CRELD2: variants seen among roughly 807,000 people sequenced by gnomAD.
CRELD2 encodes the protein CRELD disulfide isomerase 2.
In CRELD2, 33 loss-of-function variants were observed where a neutral mutation model predicts 48.1. The ratio of observed to expected loss-of-function variants is 0.69; its 90% CI spans 0.52 to 0.92. The LOEUF is 0.92. Ranked by LOEUF, CRELD2 falls within the 40% of genes least tolerant of loss-of-function variation. CRELD2 has a pLI of 0.00. For synonymous variants in CRELD2, 220 were observed against 203.9 expected (o/e 1.08, Z -0.67); for missense variants, 477 against 482.4 (o/e 0.99, Z 0.10).
At chr22:49,923,610 CA>C (rs1476014763) in intron 7 of CRELD2, 1 of 524,846 alleles carries the variant, frequency 1.9e-6, no homozygotes, top group African/African-American at 1.9e-5. Flanking sequence ...TGACTTTCCG[CA>C]GCGCCTGTCG....
chr22:49,923,520 C>G (rs1184448391), intron 7 of CRELD2: 1 of 683,296 alleles, frequency 1.5e-6, no homozygotes, highest in Non-Finnish European at 2.7e-6. Context: ...AGTTAAAAAC[C>G]CAGGAACTCC....
rs1301602151 is a variant in CRELD2 at position 49,925,643 on chromosome 22, C to G, written c.1009+86C>G. The G allele has an allele frequency of 1.9e-6, 3 of 1,588,006 alleles. No individual in the cohort carries two copies. The African/African-American group carries it at 4.0e-5, about 21-fold the overall frequency. On this transcript the variant is annotated intron_variant, in intron 9 of 9. Transcript: ENST00000328268. ...TAGACTGGCTGCTTGGTCTGAAATC[C>G]ACACAGATGGTGGCCTTGAGATGGT... is the stretch of plus-strand genomic sequence containing the variant.
intron 8 of CRELD2, 181 bp from the exon 9 acceptor site, chr22:49,925,236 A>C (rs949747973): frequency 1.9e-6 from 1 of 523,440 alleles, no homozygotes; most frequent in African/African-American, 2.0e-5. Context: ...TTGAGGGCCC[A>C]ACTTGGAGAC....
chr22:49,920,964 C>T (rs138401433), intron 4 of CRELD2, among the ~76,000 whole-genome samples: 1 of 152,340 alleles, frequency 6.6e-6, no homozygotes, highest in East Asian at 1.9e-4. Context: ...TGAGGCTGCC[C>T]AAAGCCACAC....
At chr22:49,919,531 G>A (rs9616386) in intron 2 of CRELD2, among the ~76,000 whole-genome samples, 199 bp from the exon 3 acceptor site, 34,992 of 152,152 alleles carry the variant, frequency 0.23, 4,462 homozygotes, top group African/African-American at 0.34. Flanking sequence ...ACAGACAGTG[G>A]CTTTTCAAAA....
In CRELD2 at chr22:49,918,833, C is replaced by T; in HGVS notation, c.64C>T (p.Pro22Ser). 1 of 1,324,336 alleles carries T rather than the reference C, an allele frequency of 7.6e-7. No homozygotes were observed. The highest frequency in any genetic ancestry group is 3.1e-5 in the East Asian group (1 of 32,354). The allele number at this position is 1,324,336 out of a possible 1,614,324, so 82.0% of individuals were successfully genotyped here. ...LPLLLLLPPAPEAAKKPTPCH... is the reference protein window; with the variant it reads ...LPLLLLLPPASEAAKKPTPCH... Reference sequence around the variant, plus strand: ...GCTTCTGCTGCTGCTGCCGCCCGCGCCGGAGGCCGCCAAGAAGCCGACGCC... The same window carrying T: ...GCTTCTGCTGCTGCTGCCGCCCGCGTCGGAGGCCGCCAAGAAGCCGACGCC... The change falls in exon 1 of 10, where the codon CCG becomes TCG. Residue 22 changes from proline (P) to serine (S), a missense_variant. Pro to Ser is a moderately conservative substitution (Grantham distance 74). Coordinates refer to ENST00000328268, the MANE Select transcript of CRELD2 (RefSeq NM_024324.5).
rs746989379 is a variant in CRELD2 at position 49,919,766 on chromosome 22, C to T, written c.249C>T (p.Cys83=). ...IRLLEILEGL[C]ESSDFECNQM... The stretch of plus-strand genomic sequence containing the variant: ...TGCTGGAGATCCTGGAGGGGCTGTG[C>T]GAGAGCAGCGACTTCGAATGCAATC... Residue 83 remains cysteine (C), a synonymous_variant, in exon 3 of 10, where the codon TGC becomes TGT. Coordinates refer to ENST00000328268, the MANE Select transcript of CRELD2 (RefSeq NM_024324.5). 7.4e-6 allele frequency: 12 copies of T among 1,612,078 alleles called. No individual in the cohort carries two copies. The highest frequency in any genetic ancestry group is 3.3e-5 in the South Asian group (3 of 90,526).
chr22:49,919,876 A>G (rs769308337), intron 3 of CRELD2, 36 bp downstream of exon 3: 2 of 1,427,010 alleles, frequency 1.4e-6, no homozygotes, highest in African/African-American at 2.8e-5. Flanking sequence ...GATACTTTTT[A>G]TTTTCCAACT....
At chr22:49,921,257 A>T in intron 4 of CRELD2, 1 of 311,460 alleles carries the variant, frequency 3.2e-6, no homozygotes. Flanking sequence ...GCACATTGTG[A>T]TGTCACTAGG....
intron 7 of CRELD2, chr22:49,923,519 C>T (rs1365115085): frequency 7.3e-6 from 5 of 683,236 alleles, no homozygotes; most frequent in African/African-American, 1.8e-5. Context: ...CAGTTAAAAA[C>T]CCAGGAACTC....
chr22:49,924,162 T>G, intron 7 of CRELD2, 198 bp from the exon 8 acceptor site: 1 of 505,964 alleles, frequency 2.0e-6, no homozygotes. Context: ...ACCATGGCTC[T>G]CCGGGAGCAC....
intron 3 of CRELD2, 30 bp downstream of exon 3, chr22:49,919,870 C>A: frequency 2.1e-6 from 3 of 1,456,876 alleles, no homozygotes; most frequent in Non-Finnish European, 2.8e-6. Context: ...TTAGAAGATA[C>A]TTTTTATTTT....
Position 49,920,149 on chromosome 22 carries a change from T to C in CRELD2, c.324-7T>C, listed in dbSNP as rs1485849652. The stretch of plus-strand genomic sequence containing the variant: ...GGGATTCAGTGAATGTTTTCCTCCA[T>C]CCTCAGGAAGAGCGAATATCCTGAC... On this transcript the variant is annotated splice_region_variant and splice_polypyrimidine_tract_variant and intron_variant, in intron 3 of 9. Coordinates refer to ENST00000328268, the MANE Select transcript of CRELD2 (RefSeq NM_024324.5). 4 of 1,594,724 alleles carry C rather than the reference T, an allele frequency of 2.5e-6. No homozygotes were observed. The highest frequency in any genetic ancestry group is 2.2e-5 in the South Asian group (2 of 90,616).
At chr22:49,919,189 G>A (rs754175910) in intron 1 of CRELD2, 41 bp from the exon 2 acceptor site, 1 of 1,597,998 alleles carries the variant, frequency 6.3e-7, no homozygotes, top group South Asian at 1.1e-5. Context: ...CTGGACCCGG[G>A]TCAGGTGGTA....
chr22:49,919,633 C>A, intron 2 of CRELD2, 97 bp from the exon 3 acceptor site: 2 of 883,818 alleles, frequency 2.3e-6, no homozygotes, highest in Non-Finnish European at 3.5e-6. Flanking sequence ...GGAGTCCTGG[C>A]TCCCCGGCCC....
At position 49,925,901 on chromosome 22, in the gene CRELD2, G is replaced by T. The variant is rs1356442386; in HGVS notation, c.1009+344G>T. 7.9e-6 allele frequency: 3 copies of T among 381,286 alleles called. No homozygotes were observed. The East Asian group carries it at 2.7e-4, about 34-fold the overall frequency. 23.6% of individuals were successfully genotyped at this position (381,286 alleles called of 1,614,324 possible). A position where few individuals can be genotyped will look rare whatever the true frequency, so the allele number is the denominator to read the frequency against. On this transcript the variant is annotated intron_variant, in intron 9 of 9. Coordinates refer to ENST00000328268, the MANE Select transcript of CRELD2 (RefSeq NM_024324.5). ...AAGTCATCCGGGGAAGCTGCCCAGG[G>T]TGCCGCAGAGACAGGGACAGGCAGG...
chr22:49,922,948 C>G (rs1324939600), intron 6 of CRELD2, among the ~76,000 whole-genome samples: 1 of 94,018 alleles, frequency 1.1e-5, no homozygotes, highest in African/African-American at 6.6e-5. Flanking sequence ...GGTGTGGGGG[C>G]ACTCACTGTC....
chr22:49,919,861 T>A (rs1186048941), intron 3 of CRELD2, 21 bp downstream of exon 3: 6 of 1,486,502 alleles, frequency 4.0e-6, no homozygotes, highest in Non-Finnish European at 4.6e-6. Flanking sequence ...TAAAACCTCT[T>A]AGAAGATACT....
In CRELD2 at chr22:49,919,312, G is replaced by C; in HGVS notation, c.212G>C (p.Ser71Thr). 6.2e-7 allele frequency: 1 copy of C among 1,613,452 alleles called. No individual in the cohort carries two copies. The highest frequency in any genetic ancestry group is 8.5e-7 in the Non-Finnish European group (1 of 1,179,850). Residue 71 changes from serine to threonine, a missense_variant and splice_region_variant, in exon 2 of 10, where the codon AGC (serine) becomes ACC (threonine). Transcript: ENST00000328268. ...AAGACGCTGTCCAAGTACGAGTCCA[G>C]GTGGGTGCCCTGGAGCACCCCTGTG... ...EEKTLSKYESSEIRLLEILEG... is the reference protein window; with the variant it reads ...EEKTLSKYESTEIRLLEILEG...
Sources: gnomAD v4.1 joint callset for allele counts (sites outside exome capture counted in the v4.1 genomes callset) on GRCh38, gnomAD v4.1.1 for gene constraint, MANE v1.5 for transcripts, NCBI Gene and HGNC (gene_info 2026-07-23, HGNC 2026-07-21) for gene names.